NPIPB8: variants seen among roughly 807,000 people sequenced by gnomAD.
NPIPB8 encodes the protein nuclear pore complex-interacting protein family member B8.
A neutral mutation model predicts 5.3 loss-of-function variants in NPIPB8; 3 were observed. That is an observed-to-expected ratio of 0.57 (90% CI 0.26 to 1.47). The LOEUF is 1.47. NPIPB8 is among the 40% of genes most tolerant of loss of function. The pLI, the probability that NPIPB8 is intolerant of heterozygous loss-of-function variation, is 0.13. For missense variants in NPIPB8, 50 were observed against 50.2 expected, an observed-to-expected ratio of 1.00 and a Z score of 0.01; for synonymous variants, 18 against 23.0, an observed-to-expected ratio of 0.78 and a Z score of 0.62.
chr16:28,639,290 AC>A (rs1244770684), intron 2 of NPIPB8, among the ~76,000 whole-genome samples: 1 of 149,526 alleles, frequency 6.7e-6, no homozygotes, highest in Non-Finnish European at 1.5e-5. Context: ...TGTGCAGTCT[AC>A]AAAAAGTCCA....
At chr16:28,644,760 C>T (rs1271207443) in intron 2 of NPIPB8, 29 of 562,468 alleles carry the variant, frequency 5.2e-5, no homozygotes, top group Non-Finnish European at 7.2e-5. Context: ...TTTAGGGGGC[C>T]GAGGTGGGCA....
chr16:28,642,091 C>A (rs2047907437), intron 2 of NPIPB8, among the ~76,000 whole-genome samples: 1 of 146,456 alleles, frequency 6.8e-6, no homozygotes, highest in Non-Finnish European at 1.5e-5. Context: ...ACCAACACAA[C>A]CGAAATCTAG....
rs991644558 is a variant in NPIPB8 at position 28,641,242 on chromosome 16, C to T, written c.120+2762C>T. On this transcript the variant is annotated intron_variant, in intron 2 of 7. Transcript: ENST00000683297. ...GCCCCAGGTGTGAGCCTGTACCCTG[C>T]CGGAGCATGAGGCAAGGGACAGGGC... Among the ~76,000 whole-genome samples the T allele has an allele frequency of 1.3e-4, 20 of 151,442 alleles. No homozygotes were observed. The East Asian group carries it at 3.7e-3, about 28-fold the overall frequency.
rs571094285 is a variant in NPIPB8 at position 28,638,335 on chromosome 16, C to G, written c.-26C>G. 1.2e-3 allele frequency: 1,886 copies of G among 1,562,336 alleles called. 88 individuals are homozygous for G. The African/African-American group carries it at 0.015, about 13-fold the overall frequency. On this transcript the variant is annotated 5_prime_UTR_variant, in exon 2 of 8. It adds an upstream start codon to the 5' untranslated region. Transcript: ENST00000683297. ...AATTGTCTAATAGGTTGGCACTCAT[C>G]ATGAGCCCCTGTTCTCATTCTGCAA...
chr16:28,639,702 C>A (rs1412013307), intron 2 of NPIPB8, among the ~76,000 whole-genome samples: 1 of 146,842 alleles, frequency 6.8e-6, no homozygotes, highest in African/African-American at 2.6e-5. Flanking sequence ...ATCTGCCCAC[C>A]GTGGCCTCCC....
At chr16:28,638,213 A>T in intron 1 of NPIPB8, 63 bp downstream of exon 1, 2 of 1,395,762 alleles carry the variant, frequency 1.4e-6, no homozygotes, top group Non-Finnish European at 1.9e-6. Flanking sequence ...AGGAATTTGA[A>T]CTTGGTTCTG....
chr16:28,638,441 T>C lies in NPIPB8; in HGVS notation c.81T>C (p.His27=), dbSNP rs536341295. 2,224 of 1,572,940 alleles carry C rather than the reference T, an allele frequency of 1.4e-3. 38 individuals are homozygous for C. In the Middle Eastern group the frequency reaches 0.015, roughly 11 times the overall value. Residue 27 remains histidine (H), a synonymous_variant, in exon 2 of 8, where the codon CAT becomes CAC. Transcript: ENST00000683297. ...AGCTCACCAAGGAGCTGCAGCAGCATGTAAAGTCAGTGACATGCCCATGCG... is the reference window on the plus strand; with the variant it reads ...AGCTCACCAAGGAGCTGCAGCAGCACGTAAAGTCAGTGACATGCCCATGCG... ...QGQLTKELQQ[H]VKSVTCPCEY...
intron 1 of NPIPB8, 74 bp from the exon 2 acceptor site, chr16:28,638,249 T>G (rs1296836471): frequency 3.3e-6 from 5 of 1,530,094 alleles, no homozygotes; most frequent in Non-Finnish European, 4.4e-6. Flanking sequence ...CCTATGCTCT[T>G]GACCACTATA....
intron 2 of NPIPB8, chr16:28,644,800 G>A: frequency 2.6e-6 from 1 of 391,776 alleles, no homozygotes; most frequent in Non-Finnish European, 4.5e-6. Context: ...TTGAAGACTA[G>A]CCAGGGCATC....
intron 1 of NPIPB8, 50 bp from the exon 2 acceptor site, chr16:28,638,273 C>T (rs547879555): frequency 1.3e-6 from 2 of 1,534,916 alleles, no homozygotes; most frequent in Non-Finnish European, 1.7e-6. Flanking sequence ...TCAAACATCA[C>T]CTTGTTTTTC....
intron 2 of NPIPB8, chr16:28,644,527 C>G (rs1440834114): frequency 5.9e-6 from 8 of 1,356,810 alleles, no homozygotes; most frequent in African/African-American, 3.7e-5. Context: ...TTCCCTCCCC[C>G]CTGCCCTAAG....
At chr16:28,642,493 T>C (rs985789552) in intron 2 of NPIPB8, among the ~76,000 whole-genome samples, 12 of 150,950 alleles carry the variant, frequency 7.9e-5, no homozygotes, top group South Asian at 2.1e-4. Context: ...TTGTAGTTGT[T>C]GCTGTTTTTG....
chr16:28,640,448 G>T (rs1295520452), intron 2 of NPIPB8, among the ~76,000 whole-genome samples: 3 of 152,080 alleles, frequency 2.0e-5, no homozygotes, highest in Non-Finnish European at 4.4e-5. Flanking sequence ...AGTCTCAATG[G>T]CTCCCAACTC....
At chr16:28,643,102 C>T (rs1390655962) in intron 2 of NPIPB8, among the ~76,000 whole-genome samples, 1 of 151,336 alleles carries the variant, frequency 6.6e-6, no homozygotes, top group African/African-American at 2.4e-5. Flanking sequence ...CCCCACCCAT[C>T]ACACATGATG....
chr16:28,641,141 G>C (rs2047888770), intron 2 of NPIPB8, among the ~76,000 whole-genome samples: 1 of 151,862 alleles, frequency 6.6e-6, no homozygotes. Flanking sequence ...CTTCCTCTTT[G>C]TTCCAATGGC....
At chr16:28,639,124 T>G (rs2151740319) in intron 2 of NPIPB8, among the ~76,000 whole-genome samples, 1 of 147,246 alleles carries the variant, frequency 6.8e-6, no homozygotes, top group East Asian at 2.0e-4. Context: ...AATCAACAGC[T>G]TCTAAACTAC....
At chr16:28,640,055 TAC>T (rs968865958) in intron 2 of NPIPB8, among the ~76,000 whole-genome samples, 5 of 151,616 alleles carry the variant, frequency 3.3e-5, no homozygotes, top group African/African-American at 1.2e-4. Flanking sequence ...CACCTCATTT[TAC>T]AGAGTTGAAA....
intron 2 of NPIPB8, among the ~76,000 whole-genome samples, chr16:28,642,426 T>C (rs1348351109): frequency 6.6e-6 from 1 of 151,660 alleles, no homozygotes; most frequent in African/African-American, 2.4e-5. Context: ...GGAACATGGC[T>C]GCAGCATATA....
At chr16:28,652,653 C>A (rs2151766393) in intron 5 of NPIPB8, among the ~76,000 whole-genome samples, 2 of 121,974 alleles carry the variant, frequency 1.6e-5, no homozygotes, top group Middle Eastern at 7.8e-3. Flanking sequence ...TGTTGTTGCC[C>A]AGGCTGTAGT....
Sources: allele counts gnomAD v4.1 joint callset (sites outside exome capture counted in the v4.1 genomes callset), GRCh38; gene constraint gnomAD v4.1.1; transcripts MANE v1.5; gene names NCBI Gene and HGNC (gene_info 2026-07-23, HGNC 2026-07-21).